The following BMPR1B variants were observed in gnomAD, a reference collection of about 807,000 sequenced individuals.
BMPR1B encodes bone morphogenetic protein receptor type 1B.
Under a neutral mutation model 59.1 loss-of-function variants are expected in BMPR1B, and 12 were observed. The observed-to-expected ratio is 0.20, with a 90% CI of 0.13 to 0.33. The LOEUF is 0.33. Ranked by LOEUF, BMPR1B falls within the 10% of genes least tolerant of loss-of-function variation. BMPR1B has a pLI of 1.00. For synonymous variants in BMPR1B, 237 were observed against 207.3 expected, an observed-to-expected ratio of 1.14 and a Z score of -1.23; for missense variants, 550 against 610.9, an observed-to-expected ratio of 0.90 and a Z score of 1.05.
At chr4:95,039,629 G>A (rs1195000694) in intron 3 of BMPR1B, among the ~76,000 whole-genome samples, 1 of 152,176 alleles carries the variant, frequency 6.6e-6, no homozygotes, top group East Asian at 1.9e-4. Context: ...ACGGAAATAT[G>A]TGTGTGAGAG....
intron 1 of BMPR1B, among the ~76,000 whole-genome samples, chr4:94,821,633 T>G (rs1479629893): frequency 6.6e-6 from 1 of 152,084 alleles, no homozygotes; most frequent in Non-Finnish European, 1.5e-5. Context: ...GATAAAATAT[T>G]TATTGAATAC....
intron 10 of BMPR1B, among the ~76,000 whole-genome samples, chr4:95,135,601 G>A (rs940549464): frequency 6.6e-5 from 10 of 152,202 alleles, no homozygotes; most frequent in East Asian, 3.9e-4. Flanking sequence ...TGGATTCCTA[G>A]GTATTTTATT....
intron 3 of BMPR1B, among the ~76,000 whole-genome samples, chr4:95,006,542 A>ATT: frequency 7.4e-6 from 1 of 136,040 alleles, no homozygotes; most frequent in Admixed American, 7.4e-5. Flanking sequence ...ATACCTTCTG[A>ATT]TTTTTTTTTT....
At chr4:94,819,186 A>G (rs1724116804) in intron 1 of BMPR1B, among the ~76,000 whole-genome samples, 3 of 151,984 alleles carry the variant, frequency 2.0e-5, no homozygotes, top group Admixed American at 1.3e-4. Context: ...GGGTCAGAGC[A>G]TACAGATTTA....
At chr4:95,036,214 C>T (rs1013581174) in intron 3 of BMPR1B, among the ~76,000 whole-genome samples, 5 of 152,030 alleles carry the variant, frequency 3.3e-5, no homozygotes, top group Non-Finnish European at 4.4e-5. Flanking sequence ...TCACCTCAAG[C>T]ATTTATCCTT....
chr4:94,956,357 A>G (rs1357257647), intron 2 of BMPR1B, among the ~76,000 whole-genome samples: 1 of 152,102 alleles, frequency 6.6e-6, no homozygotes, highest in Non-Finnish European at 1.5e-5. Context: ...TTAAATAAAA[A>G]TTGTTTTTAT....
intron 3 of BMPR1B, among the ~76,000 whole-genome samples, chr4:94,999,231 T>A (rs939863133): frequency 6.6e-6 from 1 of 152,170 alleles, no homozygotes; most frequent in African/African-American, 2.4e-5. Context: ...ATAACAAGTG[T>A]CCCAGAATTT....
intron 3 of BMPR1B, among the ~76,000 whole-genome samples, chr4:95,063,007 A>G (rs1013867873): frequency 3.3e-5 from 5 of 152,154 alleles, no homozygotes; most frequent in African/African-American, 1.2e-4. Flanking sequence ...CATATTATCT[A>G]TTGACATTTT....
chr4:94,982,246 A>G (rs2149088717), intron 2 of BMPR1B, among the ~76,000 whole-genome samples: 1 of 152,288 alleles, frequency 6.6e-6, no homozygotes, highest in South Asian at 2.1e-4. Flanking sequence ...CATTTTTGTT[A>G]TTCTTAAAGA....
chr4:95,143,540 G>C (rs975260107), intron 10 of BMPR1B, among the ~76,000 whole-genome samples: 1 of 152,120 alleles, frequency 6.6e-6, no homozygotes, highest in Admixed American at 6.6e-5. Context: ...TGTCTTCCCT[G>C]GGGTAGAAGA....
At chr4:95,099,588 T>C (rs2149259901) in intron 3 of BMPR1B, among the ~76,000 whole-genome samples, 1 of 152,304 alleles carries the variant, frequency 6.6e-6, no homozygotes, top group African/African-American at 2.4e-5. Context: ...TACATCTCTC[T>C]CTGTTTCACG....
intron 3 of BMPR1B, among the ~76,000 whole-genome samples, chr4:95,094,897 A>T (rs540992740): frequency 2.0e-5 from 3 of 151,824 alleles, no homozygotes; most frequent in Non-Finnish European, 4.4e-5. Context: ...GTAACATCAC[A>T]GTTAATATTA....
intron 3 of BMPR1B, among the ~76,000 whole-genome samples, chr4:95,063,681 A>T (rs1241488458): frequency 6.6e-6 from 1 of 152,184 alleles, no homozygotes; most frequent in Admixed American, 6.5e-5. Context: ...TTAACAGTAA[A>T]ATCAGTAGTA....
intron 12 of BMPR1B, among the ~76,000 whole-genome samples, chr4:95,153,479 C>T (rs1735199830): frequency 6.6e-6 from 1 of 151,994 alleles, no homozygotes. Flanking sequence ...GAAAAAAAAA[C>T]AGGCTCTTAT....
intron 2 of BMPR1B, among the ~76,000 whole-genome samples, chr4:94,882,617 A>G (rs940474017): frequency 6.6e-6 from 1 of 152,186 alleles, no homozygotes; most frequent in Non-Finnish European, 1.5e-5. Context: ...GACTTTACTT[A>G]CCTGATAACA....
intron 3 of BMPR1B, among the ~76,000 whole-genome samples, chr4:95,073,408 GA>G (rs1728467433): frequency 1.3e-5 from 2 of 152,128 alleles, no homozygotes; most frequent in Admixed American, 1.3e-4. Context: ...AATCCAGTGT[GA>G]AAACCCTTTT....
intron 3 of BMPR1B, among the ~76,000 whole-genome samples, chr4:95,077,591 T>C (rs1728808551): frequency 6.6e-6 from 1 of 152,174 alleles, no homozygotes; most frequent in South Asian, 2.1e-4. Flanking sequence ...ATTGTCTTCA[T>C]AAATTTTAAA....
At chr4:94,992,002 A>G (rs1168228407) in intron 2 of BMPR1B, among the ~76,000 whole-genome samples, 1 of 152,170 alleles carries the variant, frequency 6.6e-6, no homozygotes, top group African/African-American at 2.4e-5. Flanking sequence ...ACAGATATCT[A>G]AAGTTCATCA....
intron 2 of BMPR1B, among the ~76,000 whole-genome samples, chr4:94,993,760 CAAAAAAAA>C (rs34395946): frequency 1.5e-5 from 1 of 68,592 alleles, no homozygotes; most frequent in Non-Finnish European, 2.8e-5. Flanking sequence ...GACTCCATCT[CAAAAAAAA>C]AAAAAAAAAA....
Sources: gnomAD v4.1 joint callset for allele counts (sites outside exome capture counted in the v4.1 genomes callset) on GRCh38, gnomAD v4.1.1 for gene constraint, MANE v1.5 for transcripts, NCBI Gene and HGNC (gene_info 2026-07-23, HGNC 2026-07-21) for gene names.